The following TOP2A variants were observed in gnomAD, a reference collection of about 807,000 sequenced individuals.
The protein encoded by TOP2A is DNA topoisomerase 2-alpha.
Under a neutral mutation model 187.2 loss-of-function variants are expected in TOP2A, and 68 were observed. The observed-to-expected ratio is 0.36, with a 90% CI of 0.30 to 0.44. TOP2A has a LOEUF of 0.44. Ranked by LOEUF, TOP2A falls within the 20% of genes least tolerant of loss-of-function variation. The pLI, the probability that TOP2A is intolerant of heterozygous loss-of-function variation, is 1.00. For missense variants in TOP2A, 1,196 were observed against 1,808.7 expected (o/e 0.66, Z 6.14); for synonymous variants, 542 against 593.2 (o/e 0.91, Z 1.25).
intron 4 of TOP2A, among the ~76,000 whole-genome samples, chr17:40,414,407 C>T (rs1483639489): frequency 6.6e-6 from 1 of 152,106 alleles, no homozygotes; most frequent in Admixed American, 6.6e-5. Flanking sequence ...CTATATGGCC[C>T]AGGCTGGTCT....
intron 28 of TOP2A, 131 bp downstream of exon 28, chr17:40,396,152 T>C: frequency 1.9e-6 from 1 of 533,458 alleles, no homozygotes; most frequent in Non-Finnish European, 3.3e-6. Context: ...CCTAATTTTT[T>C]TAATTTTTAG....
Position 40,401,063 on chromosome 17 carries a change from T to C in TOP2A, c.2451A>G (p.Leu817=). The stretch of plus-strand genomic sequence containing the variant: ...ACGTGTGATCATCTTTTGGTGGAAA[T>C]AACAATCGAGCCAAAGAGCTAAAGA... ...FTMLSSLARL[L]FPPKDDHTLK... The change falls in exon 21 of 35, where the codon TTA becomes TTG. Residue 817 remains leucine (L), a synonymous_variant. Transcript: ENST00000423485. The C allele has an allele frequency of 6.2e-7, 1 of 1,613,260 alleles. No individual in the cohort carries two copies. Among genetic ancestry groups the C allele is most frequent in the African/African-American group, 1.3e-5 (1 of 74,992 alleles).
intron 33 of TOP2A, among the ~76,000 whole-genome samples, chr17:40,390,428 G>C (rs955864463): frequency 6.6e-6 from 1 of 152,034 alleles, no homozygotes; most frequent in Non-Finnish European, 1.5e-5. Context: ...GACCTCAGGT[G>C]ATCCACTCGC....
chr17:40,409,483 G>C (rs990842457), intron 10 of TOP2A: 2 of 449,010 alleles, frequency 4.5e-6, no homozygotes, highest in Non-Finnish European at 8.9e-6. Context: ...ACATAGCTGG[G>C]TGCAGTGGCT....
intron 7 of TOP2A, 54 bp downstream of exon 7, chr17:40,412,705 T>G: frequency 1.4e-6 from 2 of 1,460,652 alleles, no homozygotes; most frequent in Non-Finnish European, 1.9e-6. Flanking sequence ...AATTTTGCAC[T>G]TGACAATGAT....
chr17:40,410,992 G>T, intron 10 of TOP2A, 117 bp downstream of exon 10: 1 of 1,078,640 alleles, frequency 9.3e-7, no homozygotes, highest in Non-Finnish European at 1.3e-6. Context: ...TTCCTTTTCA[G>T]ATTGGGAAGA....
chr17:40,390,517 T>C (rs1037920071), intron 33 of TOP2A, among the ~76,000 whole-genome samples: 16 of 151,994 alleles, frequency 1.1e-4, no homozygotes, highest in African/African-American at 3.6e-4. Context: ...AGATGAATTG[T>C]TCTCATTGCG....
intron 21 of TOP2A, 46 bp from the exon 22 acceptor site, chr17:40,400,709 T>C (rs919476859): frequency 6.4e-7 from 1 of 1,561,716 alleles, no homozygotes; most frequent in Non-Finnish European, 8.7e-7. Context: ...AATGTGATAC[T>C]AGACGGAAAT....
At chr17:40,406,778 GT>G (rs2035251054) in intron 14 of TOP2A, 53 bp downstream of exon 14, 1 of 1,576,374 alleles carries the variant, frequency 6.3e-7, no homozygotes, top group African/African-American at 1.3e-5. Flanking sequence ...GTATATCCAG[GT>G]TTGAGGAGTA....
At chr17:40,390,197 C>T (rs1018970311) in intron 33 of TOP2A, 33 bp from the exon 34 acceptor site, 2 of 1,570,456 alleles carry the variant, frequency 1.3e-6, no homozygotes, top group African/African-American at 1.4e-5. Flanking sequence ...GTCACAGCTG[C>T]TCTTTTTTTG....
At chr17:40,393,441 T>C (rs1231455283) in intron 29 of TOP2A, among the ~76,000 whole-genome samples, 2 of 151,628 alleles carry the variant, frequency 1.3e-5, no homozygotes, top group Non-Finnish European at 2.9e-5. Context: ...GAGGCTGAGA[T>C]AGAAGGATTG....
intron 10 of TOP2A, 119 bp downstream of exon 10, chr17:40,410,990 C>T: frequency 9.5e-7 from 1 of 1,057,504 alleles, no homozygotes; most frequent in Non-Finnish European, 1.3e-6. Flanking sequence ...ACTTCCTTTT[C>T]AGATTGGGAA....
At chr17:40,391,989 T>A in intron 32 of TOP2A, 79 bp downstream of exon 32, 1 of 1,441,352 alleles carries the variant, frequency 6.9e-7, no homozygotes, top group Non-Finnish European at 9.5e-7. Context: ...ACTTGGATAA[T>A]GTAGCCAGGA....
intron 19 of TOP2A, among the ~76,000 whole-genome samples, chr17:40,403,568 C>A (rs1598614094): frequency 2.0e-5 from 3 of 152,250 alleles, no homozygotes; most frequent in South Asian, 4.1e-4. Flanking sequence ...ATTCTAGAAA[C>A]CTGTAGGCAA....
In TOP2A at chr17:40,392,727, T is replaced by A; in HGVS notation, c.3822A>T (p.Thr1274=). 6.2e-7 allele frequency: 1 copy of A among 1,610,464 alleles called. No homozygotes were observed. Among genetic ancestry groups the A allele is most frequent in the Non-Finnish European group, 8.5e-7 (1 of 1,179,370 alleles). The change falls in exon 30 of 35, where the codon ACA becomes ACT. Residue 1274 remains threonine (T), a synonymous_variant. Transcript: ENST00000423485. ...TAAATGCCAATGTAGTTTGTTTCTTTGTCTTTGTACCTAGAGGGGAGATAG... is the reference window on the plus strand; with the variant it reads ...TAAATGCCAATGTAGTTTGTTTCTTAGTCTTTGTACCTAGAGGGGAGATAG... ...KKQKREPGTK[T]KKQTTLAFKP...
At chr17:40,400,443 T>C in intron 22 of TOP2A, 34 bp from the exon 23 acceptor site, 1 of 1,607,884 alleles carries the variant, frequency 6.2e-7, no homozygotes, top group Non-Finnish European at 8.5e-7. Context: ...GTTTCTAAAA[T>C]ATAGGCTTCT....
chr17:40,416,335 T>C, intron 3 of TOP2A, 87 bp downstream of exon 3: 1 of 1,000,274 alleles, frequency 1.0e-6, no homozygotes, highest in Non-Finnish European at 1.5e-6. Flanking sequence ...CTTTTTGTTT[T>C]TACTTTTATC....
chr17:40,392,336 T>C lies in TOP2A; in HGVS notation c.3970A>G (p.Thr1324Ala), dbSNP rs372581162. Residue 1324 changes from threonine (T) to alanine (A), a missense_variant, in exon 31 of 35, where the codon ACA (threonine) becomes GCA (alanine). Around this residue, in one of 10 missense-constraint regions of TOP2A, gnomAD observed 374 missense variants for 403.3 expected, o/e 0.93. Transcript: ENST00000423485. The stretch of plus-strand genomic sequence containing the variant: ...GAATCCAAATCCATTGTGAATTTTG[T>C]TTTTGCTAGTAAAAAAACCATATAC... ...ETEPRRAATK[T>A]KFTMDLDSDE... 243 of 1,583,674 alleles carry C rather than the reference T, an allele frequency of 1.5e-4. 1 individual carries two copies. In the South Asian group the frequency reaches 2.2e-3, roughly 15 times the overall value.
intron 16 of TOP2A, among the ~76,000 whole-genome samples, chr17:40,405,753 G>A (rs566613522): frequency 4.1e-4 from 62 of 151,418 alleles, no homozygotes; most frequent in African/African-American, 1.5e-3. Flanking sequence ...ACAGGCGTGA[G>A]CCACCACGCC....
Sources: allele counts gnomAD v4.1 joint callset (sites outside exome capture counted in the v4.1 genomes callset), GRCh38; gene constraint gnomAD v4.1.1; regional missense constraint gnomAD v4.1.1; transcripts MANE v1.5; gene names NCBI Gene and HGNC (gene_info 2026-07-23, HGNC 2026-07-21).